Variants in IPP observed in about 807,000 individuals in gnomAD.
IPP encodes the protein intracisternal A particle-promoted polypeptide.
A neutral mutation model predicts 64.1 loss-of-function variants in IPP; 41 were observed. That is an observed-to-expected ratio of 0.64 (90% confidence interval 0.50 to 0.83). The LOEUF (loss-of-function observed/expected upper bound fraction) is 0.83. IPP is among the 40% of genes least tolerant of loss of function. IPP has a pLI of 0.00. For synonymous variants in IPP, 214 were observed against 235.2 expected, an observed-to-expected ratio of 0.91 and a Z score of 0.83; for missense variants, 649 against 703.0, an observed-to-expected ratio of 0.92 and a Z score of 0.87.
At chr1:45,714,205 A>G (rs1314487176) in intron 8 of IPP, 41 bp downstream of exon 8, 2 of 1,361,444 alleles carry the variant, frequency 1.5e-6, no homozygotes, top group Non-Finnish European at 2.1e-6. Context: ...AGACATTAAA[A>G]GAATATCAGG....
At position 45,707,946 on chromosome 1, in the gene IPP, C is replaced by T. The variant is rs529462153; in HGVS notation, c.1530+6300G>A. 4.0e-4 allele frequency among the ~76,000 whole-genome samples: 61 copies of T among 151,302 alleles called. 1 individual carries two copies. The highest frequency in any genetic ancestry group is 1.3e-3 in the African/African-American group (55 of 41,160). ...GATGAGGAGAAAATCTTAAAAGCTGCGGAAGAAAAAACACGTTACATATGG... is the reference window on the plus strand; with the variant it reads ...GATGAGGAGAAAATCTTAAAAGCTGTGGAAGAAAAAACACGTTACATATGG... On this transcript the variant is annotated intron_variant, in intron 8 of 8. Coordinates refer to ENST00000396478, the MANE Select transcript of IPP (RefSeq NM_005897.3).
At chr1:45,746,030 C>G (rs1646128550) in intron 2 of IPP, 90 bp downstream of exon 2, 7 of 1,101,462 alleles carry the variant, frequency 6.4e-6, no homozygotes, top group Non-Finnish European at 9.2e-6. Flanking sequence ...AAATTACCTT[C>G]TAGATAAGTT....
chr1:45,748,068 ATTAAC>A (rs1439997567), intron 1 of IPP, among the ~76,000 whole-genome samples: 1 of 152,138 alleles, frequency 6.6e-6, no homozygotes. Flanking sequence ...CTTTCTAGGA[ATTAAC>A]TTATTGAGAA....
At chr1:45,729,558 A>C in intron 4 of IPP, 56 bp downstream of exon 4, 1 of 1,344,946 alleles carries the variant, frequency 7.4e-7, no homozygotes, top group Non-Finnish European at 1.1e-6. Context: ...AATATTAAAA[A>C]GGTTTGATCT....
downstream of IPP, among the ~76,000 whole-genome samples, chr1:45,695,278 C>T (rs896533975): frequency 9.2e-5 from 14 of 152,188 alleles, no homozygotes; most frequent in African/African-American, 3.4e-4. Flanking sequence ...AATTCTCCCA[C>T]CTCAGCCTCC....
chr1:45,716,791 C>T, intron 7 of IPP, 104 bp downstream of exon 7: 1 of 911,556 alleles, frequency 1.1e-6, no homozygotes, highest in Admixed American at 2.6e-5. Context: ...ATCAGTCATT[C>T]AATACTAACA....
In IPP at chr1:45,700,126, T is replaced by C. The variant is rs780218244; in HGVS notation, c.1595A>G (p.Asn532Ser). The change falls in exon 9 of 9, where the codon AAT becomes AGT. Residue 532 changes from asparagine (N) to serine (S), a missense_variant. Transcript: ENST00000396478. ...ACCTCCAGAAACATACAGAAGACCA[T>C]TGACTGCCACAACACACATGCCTGC... ...PRAGMCVVAVNGLLYVSGGRS... is the reference protein window; with the variant it reads ...PRAGMCVVAVSGLLYVSGGRS... 4.3e-6 allele frequency: 7 copies of C among 1,614,040 alleles called. No homozygotes were observed. Among genetic ancestry groups the C allele is most frequent in the Non-Finnish European group, 5.9e-6 (7 of 1,180,004 alleles).
intron 5 of IPP, among the ~76,000 whole-genome samples, chr1:45,724,888 G>A (rs1424644596): frequency 7.0e-6 from 1 of 143,310 alleles, no homozygotes; most frequent in Non-Finnish European, 1.6e-5. Flanking sequence ...GGAGGGAGGT[G>A]GGGGGGGTCA....
chr1:45,746,070 T>A, intron 2 of IPP, 50 bp downstream of exon 2: 1 of 1,441,816 alleles, frequency 6.9e-7, no homozygotes, highest in East Asian at 2.3e-5. Flanking sequence ...CATTAGTGCA[T>A]GAGTGATTGA....
intron 3 of IPP, among the ~76,000 whole-genome samples, chr1:45,740,494 CG>C (rs906582000): frequency 2.6e-5 from 4 of 152,020 alleles, no homozygotes; most frequent in African/African-American, 9.7e-5. Flanking sequence ...GCTGGCCGGG[CG>C]GGGGGCTGAC....
intron 3 of IPP, among the ~76,000 whole-genome samples, chr1:45,740,327 G>A (rs1646042991): frequency 6.6e-6 from 1 of 152,140 alleles, no homozygotes; most frequent in Non-Finnish European, 1.5e-5. Flanking sequence ...CGTTCTCAAT[G>A]AGCTGTTGGG....
Position 45,746,140 on chromosome 1 carries a change from A to C in IPP, c.272T>G (p.Leu91Arg). ...CATACCTGTGTAAATGAAATCTAGA[A>C]GTATCTGAAAGATTCCTGCTTCAAT... ...LGIEAGIFQI[L>R]LDFIYTGIVN... Residue 91 changes from leucine (L) to arginine (R), a missense_variant, in exon 2 of 9, where the codon CTT becomes CGT. Leu to Arg is a moderately radical substitution (Grantham distance 102, BLOSUM62 -2). Coordinates refer to ENST00000396478, the MANE Select transcript of IPP (RefSeq NM_005897.3). The C allele has an allele frequency of 6.2e-7, 1 of 1,613,534 alleles. No homozygotes were observed. The highest frequency in any genetic ancestry group is 8.5e-7 in the Non-Finnish European group (1 of 1,179,440).
intron 8 of IPP, among the ~76,000 whole-genome samples, chr1:45,712,314 A>G (rs925641505): frequency 6.6e-6 from 1 of 151,128 alleles, no homozygotes; most frequent in African/African-American, 2.4e-5. Flanking sequence ...AAAAAAAAAA[A>G]GCAACCAACT....
At chr1:45,726,946 G>A (rs1445190202) in intron 5 of IPP, among the ~76,000 whole-genome samples, 1 of 151,918 alleles carries the variant, frequency 6.6e-6, no homozygotes, top group African/African-American at 2.4e-5. Context: ...GGCTGGTCTT[G>A]AACTCCTGAC....
In IPP at chr1:45,725,564, G is replaced by A. The variant is rs578143493; in HGVS notation, c.1048+2067C>T. Among the ~76,000 whole-genome samples, 67 of 137,628 alleles carry A rather than the reference G, an allele frequency of 4.9e-4. No individual in the cohort carries two copies. The East Asian group carries it at 5.2e-3, about 11-fold the overall frequency. 90.3% of individuals were successfully genotyped at this position (137,628 alleles called of 152,430 possible). On this transcript the variant is annotated intron_variant, in intron 5 of 8. Coordinates refer to ENST00000396478, the MANE Select transcript of IPP (RefSeq NM_005897.3). ...TGGGAAGTGAGGAGCCCCTCTGCCCGGCCACGACCCCGTCTGGGAGGTGTG... is the reference window on the plus strand; with the variant it reads ...TGGGAAGTGAGGAGCCCCTCTGCCCAGCCACGACCCCGTCTGGGAGGTGTG...
chr1:45,704,664 T>C (rs1054866702), intron 8 of IPP, among the ~76,000 whole-genome samples: 3 of 152,200 alleles, frequency 2.0e-5, no homozygotes, highest in African/African-American at 7.2e-5. Flanking sequence ...ACTGCACAAA[T>C]AGATATAGAA....
intron 5 of IPP, among the ~76,000 whole-genome samples, chr1:45,726,886 G>A (rs1645835804): frequency 1.3e-5 from 2 of 151,802 alleles, no homozygotes; most frequent in African/African-American, 4.8e-5. Flanking sequence ...ACCATGCCCA[G>A]CTAATTTTTT....
intron 4 of IPP, among the ~76,000 whole-genome samples, chr1:45,729,333 C>T (rs1041817694): frequency 2.0e-5 from 3 of 152,022 alleles, no homozygotes; most frequent in Non-Finnish European, 4.4e-5. Context: ...ACTTTTAAAG[C>T]AGCACTTCTT....
intron 3 of IPP, among the ~76,000 whole-genome samples, chr1:45,734,204 C>G (rs1476370264): frequency 3.3e-5 from 5 of 152,042 alleles, no homozygotes; most frequent in Non-Finnish European, 7.4e-5. Context: ...AAAGTTGATA[C>G]TGTTTAAAAT....
Sources: gnomAD v4.1 joint callset for allele counts (sites outside exome capture counted in the v4.1 genomes callset) on GRCh38, gnomAD v4.1.1 for gene constraint, MANE v1.5 for transcripts, NCBI Gene and HGNC (gene_info 2026-07-23, HGNC 2026-07-21) for gene names.